The following RBFOX1 variants were observed in gnomAD, a reference collection of about 807,000 sequenced individuals.
RBFOX1 encodes RNA binding fox-1 homolog 1.
Under a neutral mutation model 57.7 loss-of-function variants are expected in RBFOX1, and 8 were observed. That is an observed-to-expected ratio of 0.14 (90% CI 0.08 to 0.25). The LOEUF is 0.25. Among genes scored for constraint, RBFOX1 ranks in the 10% least tolerant of loss-of-function variants. RBFOX1 has a pLI of 1.00. For synonymous variants in RBFOX1, 326 were observed against 222.4 expected (o/e 1.47, Z -4.15); for missense variants, 611 against 548.5 (o/e 1.11, Z -1.14).
At chr16:7,575,203 C>A (rs943621125) in intron 5 of RBFOX1, among the ~76,000 whole-genome samples, 2 of 151,886 alleles carry the variant, frequency 1.3e-5, no homozygotes, top group Non-Finnish European at 2.9e-5. Flanking sequence ...GGCACGATCT[C>A]GGCTCATTGT....
chr16:6,167,355 C>T (rs1162209938), intron 1 of RBFOX1, among the ~76,000 whole-genome samples: 1 of 152,220 alleles, frequency 6.6e-6, no homozygotes, highest in East Asian at 1.9e-4. Context: ...AGCCTGGCTT[C>T]AGCTTGCCTT....
intron 1 of RBFOX1, among the ~76,000 whole-genome samples, chr16:5,407,610 A>C (rs1031233520): frequency 6.6e-6 from 1 of 152,020 alleles, no homozygotes; most frequent in African/African-American, 2.4e-5. Context: ...GTGCAGTGGC[A>C]TGGTCTTGGC....
intron 4 of RBFOX1, among the ~76,000 whole-genome samples, chr16:7,268,260 C>T (rs1342991100): frequency 1.3e-5 from 2 of 152,134 alleles, no homozygotes; most frequent in Admixed American, 6.5e-5. Flanking sequence ...CTGTGTAGGA[C>T]TGTGTTTGCA....
At chr16:6,517,141 C>G (rs2096396204) in intron 2 of RBFOX1, among the ~76,000 whole-genome samples, 1 of 152,106 alleles carries the variant, frequency 6.6e-6, no homozygotes, top group South Asian at 2.1e-4. Flanking sequence ...AAGACATTTC[C>G]CAGTACATGC....
intron 2 of RBFOX1, among the ~76,000 whole-genome samples, chr16:6,596,218 C>T (rs1315518212): frequency 6.6e-6 from 1 of 151,304 alleles, no homozygotes; most frequent in Non-Finnish European, 1.5e-5. Context: ...ACTCCTGTTT[C>T]TTTTTTCTGG....
At chr16:6,766,003 G>T (rs1249760153) in intron 3 of RBFOX1, among the ~76,000 whole-genome samples, 1 of 152,032 alleles carries the variant, frequency 6.6e-6, no homozygotes, top group Non-Finnish European at 1.5e-5. Flanking sequence ...GGGATGAGGA[G>T]CAAAAAACTA....
At chr16:7,658,581 G>C (rs868230553) in intron 12 of RBFOX1, among the ~76,000 whole-genome samples, 1 of 152,104 alleles carries the variant, frequency 6.6e-6, no homozygotes, top group Non-Finnish European at 1.5e-5. Context: ...GGAGGCTTTG[G>C]AGACAAACCC....
chr16:5,884,867 C>G (rs762536399), intron 4 of RBFOX1, among the ~76,000 whole-genome samples: 15 of 152,090 alleles, frequency 9.9e-5, no homozygotes, highest in Non-Finnish European at 1.9e-4. Context: ...GTGGCACGAG[C>G]TTGGAGTGTC....
chr16:7,473,736 C>T (rs905486996), intron 4 of RBFOX1, among the ~76,000 whole-genome samples: 3 of 151,938 alleles, frequency 2.0e-5, no homozygotes, highest in Non-Finnish European at 4.4e-5. Flanking sequence ...CTAGTATGCT[C>T]CCTCCCCAAC....
At chr16:7,293,946 G>C (rs1402095394) in intron 4 of RBFOX1, among the ~76,000 whole-genome samples, 6 of 152,162 alleles carry the variant, frequency 3.9e-5, no homozygotes, top group African/African-American at 1.4e-4. Context: ...GGAGATGTTA[G>C]AGGTGAAGTC....
At chr16:5,604,078 C>T (rs1023149024), downstream of RBFOX1, among the ~76,000 whole-genome samples, 1 of 152,208 alleles carries the variant, frequency 6.6e-6, no homozygotes, top group Non-Finnish European at 1.5e-5. Flanking sequence ...CTCTCCCCTT[C>T]TATAGCCAAG....
chr16:6,018,625 T>C (rs2095015457), upstream of RBFOX1, among the ~76,000 whole-genome samples: 1 of 152,112 alleles, frequency 6.6e-6, no homozygotes, highest in Non-Finnish European at 1.5e-5. Flanking sequence ...GGAGAACTTT[T>C]TGAATCTTGG....
intron 2 of RBFOX1, among the ~76,000 whole-genome samples, chr16:6,546,188 G>A (rs904456899): frequency 3.9e-5 from 6 of 152,178 alleles, no homozygotes; most frequent in African/African-American, 9.7e-5. Context: ...GCCTAAAAAC[G>A]TATTGTTTGT....
intron 1 of RBFOX1, among the ~76,000 whole-genome samples, chr16:6,198,841 G>T (rs769471636): frequency 1.3e-4 from 19 of 151,954 alleles, no homozygotes; most frequent in African/African-American, 3.1e-4. Flanking sequence ...TGTTTATAGA[G>T]TACACCATCA....
intron 3 of RBFOX1, among the ~76,000 whole-genome samples, chr16:6,770,067 G>C (rs1490422898): frequency 6.6e-6 from 1 of 152,186 alleles, no homozygotes; most frequent in Non-Finnish European, 1.5e-5. Flanking sequence ...TTAGAAATCA[G>C]AGCTGGAGGC....
intron 3 of RBFOX1, among the ~76,000 whole-genome samples, chr16:6,743,964 A>G (rs13333453): frequency 7.5e-4 from 114 of 151,828 alleles, no homozygotes; most frequent in African/African-American, 9.0e-4. Flanking sequence ...AATTTTGTCA[A>G]TGTTATCTTT....
intron 1 of RBFOX1, among the ~76,000 whole-genome samples, chr16:5,343,954 C>G (rs1012285338): frequency 2.0e-5 from 3 of 152,118 alleles, no homozygotes; most frequent in African/African-American, 7.2e-5. Context: ...GGTAAGAACG[C>G]TTGAGCATAT....
At chr16:7,005,646 G>A (rs556306274) in intron 3 of RBFOX1, among the ~76,000 whole-genome samples, 48 of 152,322 alleles carry the variant, frequency 3.2e-4, no homozygotes, top group African/African-American at 1.1e-3. Context: ...GGTGTTGCCT[G>A]TTGAACACAA....
intron 3 of RBFOX1, among the ~76,000 whole-genome samples, chr16:6,850,284 A>G (rs1282153001): frequency 6.6e-6 from 1 of 152,212 alleles, no homozygotes; most frequent in African/African-American, 2.4e-5. Flanking sequence ...AAATAATTGC[A>G]TACTTACAAA....
Sources: gnomAD v4.1 joint callset for allele counts (sites outside exome capture counted in the v4.1 genomes callset) on GRCh38, gnomAD v4.1.1 for gene constraint, MANE v1.5 for transcripts, NCBI Gene and HGNC (gene_info 2026-07-23, HGNC 2026-07-21) for gene names.